Variants in CEP135 observed in about 807,000 individuals in gnomAD.
The protein encoded by CEP135 is centrosomal protein of 135 kDa.
In CEP135, 142 loss-of-function variants were observed where a neutral mutation model predicts 157.3. The observed-to-expected ratio is 0.90, with a 90% CI of 0.79 to 1.04. CEP135 has a LOEUF of 1.04. CEP135 is among the 50% of genes least tolerant of loss of function. The probability of loss-of-function intolerance (pLI) is 0.00; values close to 1 mark genes in which losing one functional copy is unlikely to be tolerated. For synonymous variants in CEP135, 396 were observed against 439.8 expected (o/e 0.90, Z 1.25); for missense variants, 1,317 against 1,309.2 (o/e 1.01, Z -0.09).
At chr4:56,025,596 G>A (rs561847905) in intron 25 of CEP135, among the ~76,000 whole-genome samples, 4 of 152,206 alleles carry the variant, frequency 2.6e-5, no homozygotes, top group South Asian at 2.1e-4. Flanking sequence ...GAACGTGAAC[G>A]TCAGTCCTCC....
At chr4:56,024,473 A>G (rs1731083148) in intron 24 of CEP135, 28 bp from the exon 25 acceptor site, 5 of 1,550,516 alleles carry the variant, frequency 3.2e-6, no homozygotes, top group Middle Eastern at 1.7e-4. Context: ...GCTTGAATAT[A>G]TCTCTCTTGT....
At chr4:55,980,996 T>C (rs1729386090) in intron 12 of CEP135, among the ~76,000 whole-genome samples, 1 of 152,084 alleles carries the variant, frequency 6.6e-6, no homozygotes, top group Non-Finnish European at 1.5e-5. Context: ...ACTTCCTGCT[T>C]GTCTGTCTGC....
intron 12 of CEP135, 124 bp downstream of exon 12, chr4:55,980,419 TATC>T (rs752225581): frequency 3.3e-4 from 184 of 562,118 alleles, no homozygotes; most frequent in Non-Finnish European, 4.9e-4. Flanking sequence ...TAATTAAAAT[TATC>T]AGTAGTAGTT....
intron 19 of CEP135, among the ~76,000 whole-genome samples, chr4:56,010,543 G>T (rs1199264844): frequency 6.6e-6 from 1 of 152,124 alleles, no homozygotes; most frequent in East Asian, 1.9e-4. Context: ...AGAAATCATT[G>T]TCACCCTACC....
At position 56,009,791 on chromosome 4, in the gene CEP135, A is replaced by G. The variant is rs771718417; in HGVS notation, c.2393A>G (p.Gln798Arg). Residue 798 changes from glutamine to arginine, a missense_variant, in exon 19 of 26, where the codon CAG becomes CGG. Gln to Arg is a conservative substitution (Grantham distance 43). Transcript: ENST00000257287. ...RDREINSLRRQLDAAHKELDE... is the reference protein window; with the variant it reads ...RDREINSLRRRLDAAHKELDE... ...CGTGAGATAAACAGCCTCCGGCGCC[A>G]GCTTGATGCAGCTCACAAAGAACTC... 1.3e-5 allele frequency: 21 copies of G among 1,613,930 alleles called. No individual in the cohort carries two copies. Among genetic ancestry groups the G allele is most frequent in the East Asian group, 2.2e-5 (1 of 44,878 alleles).
In CEP135 at chr4:55,968,542, CT is replaced by C. The variant is rs576773977; in HGVS notation, c.1045-516del. 3.9e-3 allele frequency among the ~76,000 whole-genome samples: 590 copies of C among 152,272 alleles called. 4 individuals carry two copies. Among genetic ancestry groups the C allele is most frequent in the African/African-American group, 0.013 (550 of 41,548 alleles). ...CAACACTCCTATATCTCATCCCTCTCTTTTTCCACCACCTTTTGCATCTTCT... is the reference window on the plus strand; with the variant it reads ...CAACACTCCTATATCTCATCCCTCTCTTTTCCACCACCTTTTGCATCTTCT... On this transcript the variant is annotated intron_variant, in intron 8 of 25. Coordinates refer to ENST00000257287, the MANE Select transcript of CEP135 (RefSeq NM_025009.5).
Position 55,994,760 on chromosome 4 carries a change from A to C in CEP135, c.2009+2675A>C, listed in dbSNP as rs1232417453. 4.8e-5 allele frequency among the ~76,000 whole-genome samples: 7 copies of C among 145,892 alleles called. No individual in the cohort carries two copies. The East Asian group carries it at 1.4e-3, about 30-fold the overall frequency. On this transcript the variant is annotated intron_variant, in intron 15 of 25. Transcript: ENST00000257287. ...GAGCTCAGTGGCATGATCTTGGCTCACTGCAACCTCTACCTCCCAGCTTCA... is the reference window on the plus strand; with the variant it reads ...GAGCTCAGTGGCATGATCTTGGCTCCCTGCAACCTCTACCTCCCAGCTTCA...
intron 10 of CEP135, among the ~76,000 whole-genome samples, chr4:55,971,928 A>G (rs1018371305): frequency 6.6e-6 from 1 of 152,164 alleles, no homozygotes; most frequent in African/African-American, 2.4e-5. Context: ...AAACAGGCGG[A>G]TCATCTGAGG....
At chr4:56,029,832 G>C (rs1307272825) in intron 25 of CEP135, among the ~76,000 whole-genome samples, 1 of 152,180 alleles carries the variant, frequency 6.6e-6, no homozygotes, top group Non-Finnish European at 1.5e-5. Context: ...TTACCACAAA[G>C]GGAGCTTGCA....
intron 2 of CEP135, 143 bp from the exon 3 acceptor site, chr4:55,952,942 C>G (rs1728403054): frequency 1.6e-6 from 1 of 628,966 alleles, no homozygotes; most frequent in Non-Finnish European, 2.5e-6. Flanking sequence ...CAGGACTACT[C>G]TCCTTCCTAT....
chr4:56,005,649 C>G (rs904603393), intron 17 of CEP135, among the ~76,000 whole-genome samples: 6 of 152,212 alleles, frequency 3.9e-5, no homozygotes, highest in Admixed American at 3.9e-4. Context: ...TACAGTATCA[C>G]AGTATTCTGG....
intron 11 of CEP135, 140 bp downstream of exon 11, chr4:55,975,109 C>T (rs1729157967): frequency 1.7e-6 from 1 of 603,592 alleles, no homozygotes; most frequent in African/African-American, 1.9e-5. Context: ...TTATGGCCTG[C>T]ACTATAGGAA....
At chr4:56,017,382 A>G (rs2109742015) in intron 21 of CEP135, among the ~76,000 whole-genome samples, 1 of 152,286 alleles carries the variant, frequency 6.6e-6, no homozygotes, top group South Asian at 2.1e-4. Context: ...ACACCCTGAT[A>G]CAATAACTTT....
chr4:56,003,444 C>A (rs1244965586), intron 17 of CEP135, among the ~76,000 whole-genome samples: 8 of 151,826 alleles, frequency 5.3e-5, no homozygotes, highest in Non-Finnish European at 2.9e-5. Flanking sequence ...TCCTGACCTA[C>A]TGATCCGCCC....
intron 17 of CEP135, among the ~76,000 whole-genome samples, chr4:56,000,743 T>C (rs1195246663): frequency 6.6e-6 from 1 of 152,220 alleles, no homozygotes; most frequent in Non-Finnish European, 1.5e-5. Flanking sequence ...ATATATTGAT[T>C]TCTTCTCTTT....
At position 56,031,116 on chromosome 4, in the gene CEP135, G is replaced by A. The variant is rs542208502; in HGVS notation, c.*12-244G>A. 2.0e-4 allele frequency among the ~76,000 whole-genome samples: 31 copies of A among 151,734 alleles called. 1 individual carries two copies. The South Asian group carries it at 5.4e-3, about 27-fold the overall frequency. ...CACTGCACTCCAGCCTGGGCAACAC[G>A]GCAAGACCCTATCTCTAAATAAATA... On this transcript the variant is annotated intron_variant, in intron 25 of 25. Coordinates refer to ENST00000257287, the MANE Select transcript of CEP135 (RefSeq NM_025009.5).
chr4:56,001,698 G>T (rs1360637125), intron 17 of CEP135, among the ~76,000 whole-genome samples: 3 of 151,760 alleles, frequency 2.0e-5, no homozygotes, highest in Non-Finnish European at 2.9e-5. Context: ...CTCCAGCTTT[G>T]TTTTTTTGCT....
chr4:55,995,491 GC>G (rs1729941189), intron 15 of CEP135, among the ~76,000 whole-genome samples: 1 of 152,120 alleles, frequency 6.6e-6, no homozygotes, highest in Admixed American at 6.5e-5. Context: ...GTTAGACTGT[GC>G]CGGCTATATA....
At chr4:55,963,591 C>G in intron 6 of CEP135, among the ~76,000 whole-genome samples, 1 of 152,074 alleles carries the variant, frequency 6.6e-6, no homozygotes. Context: ...ACTAAAAATA[C>G]AAAAATTAGC....
Sources: allele counts gnomAD v4.1 joint callset (sites outside exome capture counted in the v4.1 genomes callset), GRCh38; gene constraint gnomAD v4.1.1; transcripts MANE v1.5; gene names NCBI Gene and HGNC (gene_info 2026-07-23, HGNC 2026-07-21).